C8orf34: variants seen among roughly 807,000 people sequenced by gnomAD.
C8orf34 encodes the protein chromosome 8 open reading frame 34.
Under a neutral mutation model 68.3 loss-of-function variants are expected in C8orf34, and 65 were observed. The ratio of observed to expected loss-of-function variants is 0.95; its 90% CI spans 0.78 to 1.17. The LOEUF is 1.17. Ranked by LOEUF, C8orf34 falls within the 50% of genes most tolerant of loss-of-function variation. The pLI is 0.00. For synonymous variants in C8orf34, 244 were observed against 241.2 expected, an observed-to-expected ratio of 1.01 and a Z score of -0.11; for missense variants, 664 against 655.4, an observed-to-expected ratio of 1.01 and a Z score of -0.14.
At chr8:68,630,081 G>A (rs938863404) in intron 7 of C8orf34, among the ~76,000 whole-genome samples, 1 of 151,826 alleles carries the variant, frequency 6.6e-6, no homozygotes, top group African/African-American at 2.4e-5. Flanking sequence ...GAACATAGGA[G>A]AGTTTATTTT....
At chr8:68,343,548 C>T (rs1353762333) in intron 1 of C8orf34, among the ~76,000 whole-genome samples, 5 of 151,866 alleles carry the variant, frequency 3.3e-5, no homozygotes, top group Non-Finnish European at 5.9e-5. Context: ...ACTTAGCCTC[C>T]CAAGTAGCTG....
intron 10 of C8orf34, among the ~76,000 whole-genome samples, chr8:68,751,069 C>T (rs940537748): frequency 6.6e-6 from 1 of 152,042 alleles, no homozygotes; most frequent in Non-Finnish European, 1.5e-5. Flanking sequence ...AAAAGAATAG[C>T]AAAACAAAGC....
chr8:68,724,669 A>T (rs977017719), intron 10 of C8orf34, among the ~76,000 whole-genome samples: 9 of 152,168 alleles, frequency 5.9e-5, no homozygotes. Flanking sequence ...CAGCCTATGC[A>T]GGTTAAAACT....
chr8:68,793,189 T>G (rs976638100), intron 12 of C8orf34, among the ~76,000 whole-genome samples: 1 of 151,960 alleles, frequency 6.6e-6, no homozygotes. Context: ...AGAAAGAAAA[T>G]CTAAAAAACA....
intron 9 of C8orf34, among the ~76,000 whole-genome samples, chr8:68,711,092 G>A (rs557730138): frequency 6.6e-6 from 1 of 152,268 alleles, no homozygotes; most frequent in South Asian, 2.1e-4. Context: ...TCAGCTCTCA[G>A]GAAGCCTCAT....
At chr8:68,619,952 T>C (rs536774480) in intron 7 of C8orf34, among the ~76,000 whole-genome samples, 1 of 152,014 alleles carries the variant, frequency 6.6e-6, no homozygotes, top group Admixed American at 6.6e-5. Context: ...AAAACCTGGG[T>C]GTGTAGGGTA....
At chr8:68,784,009 C>T (rs530321857) in intron 11 of C8orf34, among the ~76,000 whole-genome samples, 3 of 152,274 alleles carry the variant, frequency 2.0e-5, no homozygotes, top group African/African-American at 7.2e-5. Context: ...GTATGGGGCA[C>T]TGGTCACAGT....
At chr8:68,386,034 G>A (rs950349369) in intron 1 of C8orf34, among the ~76,000 whole-genome samples, 1 of 152,054 alleles carries the variant, frequency 6.6e-6, no homozygotes. Context: ...GAGTAGCTGG[G>A]ACCACAGGCA....
chr8:68,542,824 G>T (rs969359512), intron 7 of C8orf34, among the ~76,000 whole-genome samples: 7 of 152,082 alleles, frequency 4.6e-5, no homozygotes, highest in Non-Finnish European at 1.0e-4. Flanking sequence ...ATAAGGTTTA[G>T]ATTATTTGCT....
At chr8:68,468,226 GA>G (rs150369106) in intron 3 of C8orf34, among the ~76,000 whole-genome samples, 48 of 151,918 alleles carry the variant, frequency 3.2e-4, no homozygotes, top group African/African-American at 8.2e-4. Context: ...ATTCTTTGAG[GA>G]AAAAAATCCC....
At chr8:68,432,212 T>G (rs1810479482) in intron 1 of C8orf34, among the ~76,000 whole-genome samples, 1 of 151,778 alleles carries the variant, frequency 6.6e-6, no homozygotes, top group Admixed American at 6.6e-5. Flanking sequence ...GTCTGGATTA[T>G]GCATCTTGTA....
chr8:68,777,695 G>A (rs893968080), intron 11 of C8orf34, among the ~76,000 whole-genome samples: 1 of 152,144 alleles, frequency 6.6e-6, no homozygotes, highest in Non-Finnish European at 1.5e-5. Context: ...CTGCCATAAA[G>A]TGTCTTTTCC....
At chr8:68,440,997 G>C (rs1810882531) in intron 2 of C8orf34, among the ~76,000 whole-genome samples, 1 of 151,996 alleles carries the variant, frequency 6.6e-6, no homozygotes. Flanking sequence ...GTAGAGACGG[G>C]GTTTCACTGT....
Position 68,745,687 on chromosome 8 carries a change from A to G in C8orf34, c.1404+24250A>G, listed in dbSNP as rs368459573. Reference sequence around the variant, plus strand: ...ATCAATTCAACAAGAAGAGCTAACTATCCTAAATATATATGCACCCAATAC... The same window carrying G: ...ATCAATTCAACAAGAAGAGCTAACTGTCCTAAATATATATGCACCCAATAC... On this transcript the variant is annotated intron_variant, in intron 10 of 13. Coordinates refer to ENST00000518698, the MANE Select transcript of C8orf34 (RefSeq NM_052958.4). Among the ~76,000 whole-genome samples the G allele has an allele frequency of 1.3e-3, 197 of 152,262 alleles. 4 individuals carry two copies. In the East Asian group the frequency reaches 0.03, roughly 23 times the overall value.
chr8:68,735,000 A>C (rs548361579), intron 10 of C8orf34, among the ~76,000 whole-genome samples: 1 of 152,348 alleles, frequency 6.6e-6, no homozygotes, highest in East Asian at 1.9e-4. Flanking sequence ...CCTTACTTAC[A>C]TTAACTTATT....
chr8:68,765,374 G>A lies in C8orf34; in HGVS notation c.1405-11025G>A, dbSNP rs527322474. Among the ~76,000 whole-genome samples the A allele has an allele frequency of 4.0e-4, 61 of 152,258 alleles. 1 individual carries two copies. Among genetic ancestry groups the A allele is most frequent in the Non-Finnish European group, 6.2e-4 (42 of 68,036 alleles). ...ACACCTTTGCACCTTCTGACAGTACGTAGAGTCTAGGCCAAGTCTTAGTCT... is the reference window on the plus strand; with the variant it reads ...ACACCTTTGCACCTTCTGACAGTACATAGAGTCTAGGCCAAGTCTTAGTCT... On this transcript the variant is annotated intron_variant, in intron 10 of 13. Transcript: ENST00000518698.
chr8:68,662,518 G>A (rs1188863090), intron 8 of C8orf34, among the ~76,000 whole-genome samples: 2 of 152,176 alleles, frequency 1.3e-5, no homozygotes, highest in Non-Finnish European at 2.9e-5. Flanking sequence ...ATAAGTCTCA[G>A]AAGATCTGAT....
intron 7 of C8orf34, among the ~76,000 whole-genome samples, chr8:68,551,583 CT>C (rs1392619463): frequency 6.6e-6 from 1 of 151,830 alleles, no homozygotes; most frequent in Non-Finnish European, 1.5e-5. Context: ...TTTTTTGTGC[CT>C]TTTATTATGT....
At chr8:68,587,040 C>A (rs951392715) in intron 7 of C8orf34, among the ~76,000 whole-genome samples, 4 of 152,026 alleles carry the variant, frequency 2.6e-5, no homozygotes, top group Non-Finnish European at 5.9e-5. Context: ...GTTTTAGGGG[C>A]TTTAAATGAA....
Sources: allele counts gnomAD v4.1 joint callset (sites outside exome capture counted in the v4.1 genomes callset), GRCh38; gene constraint gnomAD v4.1.1; transcripts MANE v1.5; gene names NCBI Gene and HGNC (gene_info 2026-07-23, HGNC 2026-07-21).